Variants in DHRSX observed in about 807,000 individuals in gnomAD.
DHRSX encodes the protein polyprenol dehydrogenase.
DHRSX carries 31 observed loss-of-function variants against 34.0 expected under a neutral mutation model. That is an observed-to-expected ratio of 0.91 (90% CI 0.69 to 1.23). The LOEUF is 1.23. Ranked by LOEUF, DHRSX falls within the 50% of genes most tolerant of loss-of-function variation. DHRSX has a pLI of 0.00. For missense variants in DHRSX, 414 were observed against 428.1 expected (o/e 0.97, Z 0.29); for synonymous variants, 201 against 183.8 (o/e 1.09, Z -0.76).
chrX:2,275,958 C>G (rs1231865129), intron 4 of DHRSX, among the ~76,000 whole-genome samples: 2 of 152,054 alleles, frequency 1.3e-5, no homozygotes, highest in African/African-American at 2.4e-5. Flanking sequence ...ATTCTCCTGC[C>G]TCAGGCTCCT....
At chrX:2,335,734 G>GA (rs1474417532) in intron 3 of DHRSX, among the ~76,000 whole-genome samples, 1 of 151,900 alleles carries the variant, frequency 6.6e-6, no homozygotes, top group African/African-American at 2.4e-5. Flanking sequence ...TTACAGGCGT[G>GA]AGCCACCGCA....
At chrX:2,349,090 C>T (rs1347836151) in intron 3 of DHRSX, among the ~76,000 whole-genome samples, 8 of 152,100 alleles carry the variant, frequency 5.3e-5, no homozygotes, top group Admixed American at 2.0e-4. Context: ...GTAAATGGTA[C>T]GGACGTTCCT....
chrX:2,371,634 GTTACCATAGTCCACACTCCTCCCC>G (rs1198734610), intron 3 of DHRSX, among the ~76,000 whole-genome samples: 31 of 138,084 alleles, frequency 2.2e-4, no homozygotes, highest in African/African-American at 6.5e-4. Flanking sequence ...TCCTCCTCCC[GTTACCATAGTCCACACTCCTCCCC>G]TTACCATAGT....
At chrX:2,268,907 T>C (rs1160558487) in intron 4 of DHRSX, among the ~76,000 whole-genome samples, 1 of 152,246 alleles carries the variant, frequency 6.6e-6, no homozygotes, top group Non-Finnish European at 1.5e-5. Flanking sequence ...GCTTTTGCAT[T>C]TGTGCACGTT....
At chrX:2,243,338 A>G (rs2124427218) in intron 5 of DHRSX, 108 bp from the exon 6 acceptor site, 2 of 913,390 alleles carry the variant, frequency 2.2e-6, no homozygotes, top group East Asian at 5.2e-5. Context: ...ATACGCAGCC[A>G]CCTCCCCTAG....
At chrX:2,316,407 C>T (rs1365609492) in intron 3 of DHRSX, among the ~76,000 whole-genome samples, 2 of 152,118 alleles carry the variant, frequency 1.3e-5, no homozygotes, top group Non-Finnish European at 2.9e-5. Context: ...CAAAAATTAG[C>T]CAGGCATGGT....
chrX:2,342,997 AT>A (rs1338985868), intron 3 of DHRSX, among the ~76,000 whole-genome samples: 1 of 152,116 alleles, frequency 6.6e-6, no homozygotes, highest in Admixed American at 6.6e-5. Flanking sequence ...GCTCCCCTTG[AT>A]TAAAAACCGC....
chrX:2,374,824 C>A (rs975377942), intron 3 of DHRSX, among the ~76,000 whole-genome samples: 1 of 137,516 alleles, frequency 7.3e-6, no homozygotes, highest in Non-Finnish European at 1.7e-5. Context: ...GTAATCCCAG[C>A]ACTTTGGGAG....
intron 1 of DHRSX, among the ~76,000 whole-genome samples, chrX:2,495,582 A>G (rs1216637757): frequency 4.7e-5 from 7 of 150,480 alleles, no homozygotes; most frequent in African/African-American, 1.7e-4. Flanking sequence ...AACCGTCCAC[A>G]CAGTAGGTGG....
At chrX:2,407,452 G>A (rs1053710489) in intron 3 of DHRSX, among the ~76,000 whole-genome samples, 10 of 152,120 alleles carry the variant, frequency 6.6e-5, no homozygotes, top group Non-Finnish European at 1.3e-4. Flanking sequence ...CCCGCAACCC[G>A]GAGAGAGGGA....
At chrX:2,429,759 A>G (rs905814228) in intron 1 of DHRSX, among the ~76,000 whole-genome samples, 1 of 151,984 alleles carries the variant, frequency 6.6e-6, no homozygotes, top group Non-Finnish European at 1.5e-5. Flanking sequence ...TTAACATGCT[A>G]CTGGAGATCT....
chrX:2,473,058 C>G (rs767778659), intron 1 of DHRSX, among the ~76,000 whole-genome samples: 47 of 152,190 alleles, frequency 3.1e-4, no homozygotes, highest in Middle Eastern at 3.4e-3. Flanking sequence ...TCCATGGCAC[C>G]TAGCTCTAGC....
chrX:2,250,472 G>A (rs2016411444), intron 5 of DHRSX, among the ~76,000 whole-genome samples: 1 of 152,124 alleles, frequency 6.6e-6, no homozygotes, highest in Non-Finnish European at 1.5e-5. Flanking sequence ...TAAACAACGG[G>A]TGGATTACTC....
intron 1 of DHRSX, among the ~76,000 whole-genome samples, chrX:2,464,075 G>A (rs1340195275): frequency 6.6e-5 from 10 of 151,868 alleles, no homozygotes; most frequent in South Asian, 2.1e-4. Context: ...AGGGACCACC[G>A]CCATGTACAC....
At chrX:2,462,321 T>C (rs945299201) in intron 1 of DHRSX, among the ~76,000 whole-genome samples, 4 of 151,418 alleles carry the variant, frequency 2.6e-5, no homozygotes, top group Non-Finnish European at 4.4e-5. Context: ...TTGACGTTCA[T>C]AAATGTTTTT....
At position 2,335,623 on chromosome X, in the gene DHRSX, A is replaced by T. The variant is rs2042549572; in HGVS notation, c.287-44020T>A. On this transcript the variant is annotated intron_variant, in intron 3 of 6. Transcript: ENST00000334651. ...CCGCCACCATGCCCAGCTAGTTTTT[A>T]AAATATTTTTAGTAGAGATGGGGCT... Among the ~76,000 whole-genome samples the T allele has an allele frequency of 1.3e-5, 2 of 150,650 alleles. 1 individual carries two copies. The highest frequency in any genetic ancestry group is 4.2e-4 in the South Asian group (2 of 4,732).
chrX:2,495,674 G>A (rs1190597699), intron 1 of DHRSX, among the ~76,000 whole-genome samples: 1 of 150,592 alleles, frequency 6.6e-6, no homozygotes, highest in African/African-American at 2.4e-5. Flanking sequence ...CTCCTCCCTT[G>A]CAGCGCTTCC....
chrX:2,268,250 T>C (rs1177570815), intron 4 of DHRSX, among the ~76,000 whole-genome samples: 1 of 152,168 alleles, frequency 6.6e-6, no homozygotes, highest in Non-Finnish European at 1.5e-5. Context: ...TGACTTGTCC[T>C]AGAAACACGC....
intron 3 of DHRSX, among the ~76,000 whole-genome samples, chrX:2,330,521 GA>G (rs201209848): frequency 4.0e-4 from 35 of 87,452 alleles, no homozygotes; most frequent in Non-Finnish European, 5.8e-4. Flanking sequence ...CTCCGTGAAA[GA>G]AAAAAAAAAA....
Sources: allele counts gnomAD v4.1 joint callset (sites outside exome capture counted in the v4.1 genomes callset), GRCh38; gene constraint gnomAD v4.1.1; transcripts MANE v1.5; gene names NCBI Gene and HGNC (gene_info 2026-07-23, HGNC 2026-07-21).